The following ST6GALNAC1 variants were observed in gnomAD, a reference collection of about 807,000 sequenced individuals.
The protein encoded by ST6GALNAC1 is alpha-N-acetylgalactosaminide alpha-2,6-sialyltransferase 1.
In ST6GALNAC1, 45 loss-of-function variants were observed where a neutral mutation model predicts 56.8. That is an observed-to-expected ratio of 0.79 (90% CI 0.62 to 1.02). The LOEUF (loss-of-function observed/expected upper bound fraction) is 1.02. Ranked by LOEUF, ST6GALNAC1 falls within the 50% of genes least tolerant of loss-of-function variation. The pLI is 0.00. For synonymous variants in ST6GALNAC1, 295 were observed against 297.8 expected, an observed-to-expected ratio of 0.99 and a Z score of 0.10; for missense variants, 743 against 754.8, an observed-to-expected ratio of 0.98 and a Z score of 0.18.
In ST6GALNAC1 at chr17:76,627,416, G is replaced by A. The variant is rs758889799; in HGVS notation, c.999C>T (p.Ser333=). Residue 333 remains serine, a splice_region_variant and synonymous_variant, in exon 3 of 9, where the codon TCC becomes TCT. Transcript: ENST00000156626. The surrounding 1 kb of genome is among the most constrained non-coding windows in gnomAD (Gnocchi z 4.4). ...CCTTCCCCTGGGTTAAGGACTCACA[G>A]GAGTAGTTGAGCTCCATGAAGCCAA... ...PPFGFMELNY[S]LVQKVVTRFP... is the part of the protein sequence containing the mutation. The A allele has an allele frequency of 6.2e-7, 1 of 1,614,148 alleles. No homozygotes were observed. The highest frequency in any genetic ancestry group is 1.1e-5 in the South Asian group (1 of 91,078).
chr17:76,623,871 C>T (rs952855697), downstream of ST6GALNAC1, among the ~76,000 whole-genome samples: 2 of 152,194 alleles, frequency 1.3e-5, no homozygotes, highest in African/African-American at 4.8e-5. Context: ...TTTGAGGAGG[C>T]CAATATGGGA....
At chr17:76,632,446 C>G (rs2075916969) in intron 1 of ST6GALNAC1, among the ~76,000 whole-genome samples, 1 of 152,190 alleles carries the variant, frequency 6.6e-6, no homozygotes, top group African/African-American at 2.4e-5. Flanking sequence ...CTCTCTGGAA[C>G]CCTGTCTAGC....
chr17:76,628,284 T>TTCCC (rs1374344311), intron 2 of ST6GALNAC1, among the ~76,000 whole-genome samples: 1 of 117,964 alleles, frequency 8.5e-6, no homozygotes, highest in East Asian at 2.9e-4. Flanking sequence ...CCTTCCTTCC[T>TTCCC]TCCTTCCGTC....
downstream of ST6GALNAC1, among the ~76,000 whole-genome samples, chr17:76,622,746 C>T (rs1054845150): frequency 3.3e-5 from 5 of 151,134 alleles, no homozygotes; most frequent in African/African-American, 1.2e-4. Flanking sequence ...CTTTTTCTTA[C>T]GTTCTAGTCA....
chr17:76,626,118 C>A, intron 6 of ST6GALNAC1, 23 bp from the exon 7 acceptor site: 12 of 1,612,222 alleles, frequency 7.4e-6, no homozygotes, highest in Non-Finnish European at 1.0e-5. Flanking sequence ...AGGGGTCATT[C>A]AGACTCAGCT....
chr17:76,626,171 T>C (rs2143414046), intron 6 of ST6GALNAC1, 76 bp from the exon 7 acceptor site: 1 of 1,558,092 alleles, frequency 6.4e-7, no homozygotes. Flanking sequence ...GTCATGAGCA[T>C]GACTGGTATC....
At chr17:76,623,961 T>G (rs563772868), downstream of ST6GALNAC1, among the ~76,000 whole-genome samples, 2 of 152,362 alleles carry the variant, frequency 1.3e-5, no homozygotes, top group African/African-American at 4.8e-5. Flanking sequence ...TCAAAGTCGT[T>G]GTGACTAGAG....
At chr17:76,618,889 C>T in the ST6GALNAC1 span, among the ~76,000 whole-genome samples, 15 of 151,108 alleles carry the variant, frequency 9.9e-5, no homozygotes, top group East Asian at 2.0e-4. Context: ...GGTTGCAGTG[C>T]GCTGAGATCA....
rs140141419 is a variant in ST6GALNAC1, at chr17:76,631,561, G to T, written c.132-1850C>A. 2.9e-4 allele frequency among the ~76,000 whole-genome samples: 44 copies of T among 152,206 alleles called. No homozygotes were observed. In the Middle Eastern group the frequency reaches 0.01, roughly 35 times the overall value. ...TTGGAACCAGGAATCGCTCTCTAAG[G>T]CTTTGTCTCTATCTCACCTCTCCCT... On this transcript the variant is annotated intron_variant, in intron 1 of 8. Transcript: ENST00000156626.
intron 1 of ST6GALNAC1, among the ~76,000 whole-genome samples, chr17:76,634,643 G>A (rs1315860082): frequency 9.1e-6 from 1 of 109,862 alleles, no homozygotes; most frequent in African/African-American, 3.6e-5. Flanking sequence ...GGAGGCCGGG[G>A]GTGGGGGTGG....
chr17:76,621,520 G>C (rs558652764), downstream of ST6GALNAC1, among the ~76,000 whole-genome samples: 2 of 151,978 alleles, frequency 1.3e-5, no homozygotes, highest in Non-Finnish European at 2.9e-5. Context: ...TCTGTCACCA[G>C]GCTAGAGTGC....
chr17:76,623,514 T>G (rs1335290376), downstream of ST6GALNAC1, among the ~76,000 whole-genome samples: 2 of 152,266 alleles, frequency 1.3e-5, no homozygotes, highest in African/African-American at 4.8e-5. Flanking sequence ...TATTTGGGTC[T>G]ACTTCTGTGT....
Position 76,628,652 on chromosome 17 carries a change from G to A in ST6GALNAC1, c.831+360C>T, listed in dbSNP as rs114929259. Among the ~76,000 whole-genome samples the A allele has an allele frequency of 3.2e-3, 493 of 152,220 alleles. 3 individuals carry two copies. The highest frequency in any genetic ancestry group is 0.011 in the African/African-American group (464 of 41,544). On this transcript the variant is annotated intron_variant, in intron 2 of 8. Transcript: ENST00000156626. ...TGTGAGTCCCTCCCCTGCAGCCCCC[G>A]CGAGAGGATGGGGATTCAGGGGCCA...
intron 1 of ST6GALNAC1, chr17:76,633,890 G>A (rs2075941697): frequency 6.6e-6 from 1 of 152,226 alleles, no homozygotes; most frequent in African/African-American, 2.4e-5. Context: ...TGGCCAGAGA[G>A]CGGTATTTTC....
At position 76,627,839 on chromosome 17, in the gene ST6GALNAC1, T is replaced by G. The variant is rs895871005; in HGVS notation, c.832-256A>C. ...TAGGCCGGGTGTGGTGGCTCACGCC[T>G]GTAATCCTAGCACTTTGGGAGGCCG... On this transcript the variant is annotated intron_variant, in intron 2 of 8. Coordinates refer to ENST00000156626, the MANE Select transcript of ST6GALNAC1 (RefSeq NM_018414.5). This position sits in a 1 kb window ranked among gnomAD's most constrained non-coding sequence, Gnocchi z 4.4. Among the ~76,000 whole-genome samples, 2 of 152,126 alleles carry G rather than the reference T, an allele frequency of 1.3e-5. No individual in the cohort carries two copies. Among genetic ancestry groups the G allele is most frequent in the African/African-American group, 4.8e-5 (2 of 41,432 alleles).
At chr17:76,637,804 G>C (rs1283298674) in intron 1 of ST6GALNAC1, 1 of 398,308 alleles carries the variant, frequency 2.5e-6, no homozygotes, top group African/African-American at 2.1e-5. Context: ...TTCAGAATCA[G>C]AAATCAGGAG....
rs183186412 is a variant in ST6GALNAC1, at chr17:76,625,400, C to T, written c.1733G>A (p.Arg578Gln). 8.5e-5 allele frequency: 138 copies of T among 1,614,174 alleles called. 1 individual carries two copies. Among genetic ancestry groups the T allele is most frequent in the South Asian group, 8.5e-4 (77 of 91,084 alleles). ...DFKLEREVWK[R>Q]LHDEGIIRLY... ...CCGGATTATCCCTTCATCGTGTAGC[C>T]GCTTCCAGACTTCTCTCTCCAGCTT... The change falls in exon 9 of 9, where the codon CGG (arginine) becomes CAG (glutamine). Residue 578 changes from arginine (R) to glutamine (Q), a missense_variant. By Grantham distance (43) the Arg-to-Gln change is conservative. Coordinates refer to ENST00000156626, the MANE Select transcript of ST6GALNAC1 (RefSeq NM_018414.5).
intron 1 of ST6GALNAC1, among the ~76,000 whole-genome samples, chr17:76,634,456 G>C (rs2143462848): frequency 6.6e-6 from 1 of 152,244 alleles, no homozygotes. Context: ...GCTGGGCCTG[G>C]AGTTCCCAAG....
In ST6GALNAC1 at chr17:76,627,943, A is replaced by C. The variant is rs2075829626; in HGVS notation, c.832-360T>G. On this transcript the variant is annotated intron_variant, in intron 2 of 8. Transcript: ENST00000156626. The surrounding 1 kb of genome is among the most constrained non-coding windows in gnomAD (Gnocchi z 4.4). ...AAACCCCGTCTCTACTAAAAATACAAAAAATTAGCCGGGCGTGGTGGCGGG... is the reference window on the plus strand; with the variant it reads ...AAACCCCGTCTCTACTAAAAATACACAAAATTAGCCGGGCGTGGTGGCGGG... Among the ~76,000 whole-genome samples, 1 of 151,860 alleles carries C rather than the reference A, an allele frequency of 6.6e-6. No individual in the cohort carries two copies.
Sources: gnomAD v4.1 joint callset for allele counts (sites outside exome capture counted in the v4.1 genomes callset) on GRCh38, gnomAD v4.1.1 for gene constraint, Gnocchi (gnomAD v3.1) non-coding constraint, MANE v1.5 for transcripts, NCBI Gene and HGNC (gene_info 2026-07-23, HGNC 2026-07-21) for gene names.